CSTF3: variants seen among roughly 807,000 people sequenced by gnomAD.
The protein encoded by CSTF3 is CF-1 77 kDa subunit.
Under a neutral mutation model 105.8 loss-of-function variants are expected in CSTF3, and 29 were observed. The observed-to-expected ratio is 0.27, with a 90% CI of 0.20 to 0.37. The LOEUF is 0.37. Among genes scored for constraint, CSTF3 ranks in the 10% least tolerant of loss-of-function variants. The pLI is 1.00. For missense variants in CSTF3, 357 were observed against 879.3 expected (o/e 0.41, Z 7.51); for synonymous variants, 252 against 281.9 (o/e 0.89, Z 1.06).
At position 33,161,436 on chromosome 11, in the gene CSTF3, C is replaced by A. The variant is rs752622714; in HGVS notation, c.-111G>T. The A allele has an allele frequency of 8.6e-7, 1 of 1,167,820 alleles. No homozygotes were observed. The highest frequency in any genetic ancestry group is 1.3e-6 in the Non-Finnish European group (1 of 798,860). 72.3% of individuals were successfully genotyped at this position (1,167,820 alleles called of 1,614,324 possible). On this transcript the variant is annotated 5_prime_UTR_variant, in exon 1 of 21. Transcript: ENST00000323959. Reference sequence around the variant, plus strand: ...TAAAGTTACCCCCTGCCCAGCTGAGCCAGACCGCCAACACCAATCGCCACC... The same window carrying A: ...TAAAGTTACCCCCTGCCCAGCTGAGACAGACCGCCAACACCAATCGCCACC...
At chr11:33,112,229 G>A (rs1855386473) in intron 3 of CSTF3, among the ~76,000 whole-genome samples, 1 of 151,904 alleles carries the variant, frequency 6.6e-6, no homozygotes, top group South Asian at 2.1e-4. Flanking sequence ...ACTGCAGCCT[G>A]GGTGACAAGA....
chr11:33,109,302 G>C (rs1048672159), intron 3 of CSTF3, among the ~76,000 whole-genome samples: 1 of 152,190 alleles, frequency 6.6e-6, no homozygotes, highest in African/African-American at 2.4e-5. Flanking sequence ...GCTGATTAGA[G>C]AAGTTTTGGT....
At chr11:33,155,284 A>C (rs1244584561) in intron 1 of CSTF3, among the ~76,000 whole-genome samples, 1 of 152,082 alleles carries the variant, frequency 6.6e-6, no homozygotes, top group African/African-American at 2.4e-5. Context: ...GAATAGCGTG[A>C]ACCCAGGAAG....
At chr11:33,133,981 G>A (rs1385776278) in intron 3 of CSTF3, among the ~76,000 whole-genome samples, 1 of 152,098 alleles carries the variant, frequency 6.6e-6, no homozygotes, top group Non-Finnish European at 1.5e-5. Context: ...TTCCTGAATT[G>A]CATCACTCAA....
At chr11:33,087,237 T>C in intron 17 of CSTF3, 96 bp from the exon 18 acceptor site, 1 of 1,276,772 alleles carries the variant, frequency 7.8e-7, no homozygotes, top group Non-Finnish European at 1.1e-6. Flanking sequence ...AATATCTGGG[T>C]CAAAACCACA....
intron 3 of CSTF3, among the ~76,000 whole-genome samples, chr11:33,131,072 C>T (rs1425683495): frequency 1.3e-5 from 2 of 152,136 alleles, no homozygotes; most frequent in Non-Finnish European, 2.9e-5. Context: ...TTCTTAAAAT[C>T]CAAAATTACA....
chr11:33,090,535 A>G lies in CSTF3; in HGVS notation c.1638T>C (p.Tyr546=). 1 of 1,586,454 alleles carries G rather than the reference A, an allele frequency of 6.3e-7. No individual in the cohort carries two copies. Among genetic ancestry groups the G allele is most frequent in the Non-Finnish European group, 8.6e-7 (1 of 1,168,790 alleles). The part of the protein sequence containing the change: ...CSASELKALG[Y]KDVSRAKLAA... The stretch of plus-strand genomic sequence containing the variant: ...CATCTTGATCCTAAGTACATACCTT[A>G]TAACCAAGTGCTTTTAATTCACTTG... The change falls in exon 17 of 21, where the codon TAT becomes TAC. Residue 546 remains tyrosine (Y), a synonymous_variant. Coordinates refer to ENST00000323959, the MANE Select transcript of CSTF3 (RefSeq NM_001326.3).
In CSTF3 at chr11:33,153,939, C is replaced by T. The variant is rs147719542; in HGVS notation, c.27+7360G>A. On this transcript the variant is annotated intron_variant, in intron 1 of 20. Coordinates refer to ENST00000323959, the MANE Select transcript of CSTF3 (RefSeq NM_001326.3). ...GAAAAAGCAGAGTTGAGCCTCAACC[C>T]TGGTTTTATAATGAGTATTTCTCGC... Among the ~76,000 whole-genome samples, 521 of 152,100 alleles carry T rather than the reference C, an allele frequency of 3.4e-3. 4 individuals are homozygous for T. The highest frequency in any genetic ancestry group is 0.012 in the African/African-American group (490 of 41,484).
At chr11:33,123,252 T>TA (rs1855511047) in intron 3 of CSTF3, among the ~76,000 whole-genome samples, 1 of 151,536 alleles carries the variant, frequency 6.6e-6, no homozygotes, top group Admixed American at 6.6e-5. Context: ...AAAGGGCTCT[T>TA]AAAAATGAAA....
chr11:33,147,304 A>G (rs1011413884), intron 1 of CSTF3, among the ~76,000 whole-genome samples: 4 of 151,932 alleles, frequency 2.6e-5, no homozygotes, highest in East Asian at 1.9e-4. Flanking sequence ...CTAAAAAAAA[A>G]GAAAGAAAGA....
intron 15 of CSTF3, among the ~76,000 whole-genome samples, 187 bp from the exon 16 acceptor site, chr11:33,092,527 T>C (rs571373722): frequency 6.6e-6 from 1 of 152,334 alleles, no homozygotes; most frequent in South Asian, 2.1e-4. Context: ...ATCTGGCTCT[T>C]GGTGATTGAG....
Position 33,092,371 on chromosome 11 carries a change from T to TA in CSTF3, c.1376-32dup, listed in dbSNP as rs71034650. The TA allele has an allele frequency of 1.0e-3, 1,459 of 1,438,076 alleles. 14 individuals are homozygous for TA. In the African/African-American group the frequency reaches 0.019, roughly 19 times the overall value. 89.1% of individuals were successfully genotyped at this position (1,438,076 alleles called of 1,614,324 possible). On this transcript the variant is annotated intron_variant, in intron 15 of 20. Transcript: ENST00000323959. ...ATATTGAAAAAGATTTTAATTTTTT[T>TA]AATTCACTTTTACGATGCAACAATA...
intron 3 of CSTF3, among the ~76,000 whole-genome samples, chr11:33,110,500 G>A (rs999030143): frequency 6.6e-6 from 1 of 152,180 alleles, no homozygotes; most frequent in Non-Finnish European, 1.5e-5. Flanking sequence ...GCTTGGCTTA[G>A]TAGAGGTAAA....
Position 33,105,937 on chromosome 11 carries a change from G to A in CSTF3, c.424-20C>T, listed in dbSNP as rs759188397. On this transcript the variant is annotated intron_variant, in intron 6 of 20. Transcript: ENST00000323959. Reference sequence around the variant, plus strand: ...CCAAATCTAAGAAATAAAATGAAATGTTAATATCTTTCTTGGTATTCTTAC... The same window carrying A: ...CCAAATCTAAGAAATAAAATGAAATATTAATATCTTTCTTGGTATTCTTAC... The A allele has an allele frequency of 2.5e-6, 4 of 1,578,970 alleles. No individual in the cohort carries two copies. The highest frequency in any genetic ancestry group is 2.2e-5 in the East Asian group (1 of 44,602).
Position 33,127,666 on chromosome 11 carries a change from C to T in CSTF3, c.225+14001G>A, listed in dbSNP as rs769094934. On this transcript the variant is annotated intron_variant, in intron 3 of 20. Coordinates refer to ENST00000323959, the MANE Select transcript of CSTF3 (RefSeq NM_001326.3). ...TTTCTGAGACAGAGTCTTGCTCTGT[C>T]GCCCAGGCTAGAGTGCAATGGCGCG... Among the ~76,000 whole-genome samples the T allele has an allele frequency of 6.3e-4, 96 of 152,146 alleles. 1 individual carries two copies. The highest frequency in any genetic ancestry group is 4.4e-5 in the Non-Finnish European group (3 of 68,026).
chr11:33,154,320 G>A (rs1849829405), intron 1 of CSTF3, among the ~76,000 whole-genome samples: 1 of 151,980 alleles, frequency 6.6e-6, no homozygotes, highest in African/African-American at 2.4e-5. Context: ...TTTTCCAAAT[G>A]TCACGTTTCA....
chr11:33,136,663 G>A lies in CSTF3; in HGVS notation c.225+5004C>T, dbSNP rs1482775208. 2.0e-5 allele frequency among the ~76,000 whole-genome samples: 3 copies of A among 151,972 alleles called. No homozygotes were observed. In the East Asian group the frequency reaches 5.8e-4, roughly 29 times the overall value. ...GTTATAACCAAAAATGCTCAGCACT[G>A]TAAAAAGTCTCATGTGTTAGAATTA... On this transcript the variant is annotated intron_variant, in intron 3 of 20. Coordinates refer to ENST00000323959, the MANE Select transcript of CSTF3 (RefSeq NM_001326.3).
rs1225304002 is a variant in CSTF3 at position 33,085,000 on chromosome 11, T to C, written c.*87A>G. 2 of 1,433,046 alleles carry C rather than the reference T, an allele frequency of 1.4e-6. No individual in the cohort carries two copies. Among genetic ancestry groups the C allele is most frequent in the South Asian group, 1.2e-5 (1 of 85,722 alleles). The allele number at this position is 1,433,046 out of a possible 1,614,324, so 88.8% of individuals were successfully genotyped here. ...CAATACAACTTTGTTTCCAAGAACC[T>C]TGTAACAAAGCGTTGTCTCTTTTAA... On this transcript the variant is annotated 3_prime_UTR_variant, in exon 21 of 21. Coordinates refer to ENST00000323959, the MANE Select transcript of CSTF3 (RefSeq NM_001326.3).
At chr11:33,108,529 T>C in intron 3 of CSTF3, 111 bp from the exon 4 acceptor site, 1 of 771,316 alleles carries the variant, frequency 1.3e-6, no homozygotes, top group South Asian at 4.6e-5. Flanking sequence ...AGTTTCTTAT[T>C]AATTTTTCTG....
Sources: allele counts gnomAD v4.1 joint callset (sites outside exome capture counted in the v4.1 genomes callset), GRCh38; gene constraint gnomAD v4.1.1; transcripts MANE v1.5; gene names NCBI Gene and HGNC (gene_info 2026-07-23, HGNC 2026-07-21).